LRRTM4: variants seen among roughly 807,000 people sequenced by gnomAD.
LRRTM4 encodes the protein leucine-rich repeat transmembrane neuronal protein 4.
Under a neutral mutation model 47.6 loss-of-function variants are expected in LRRTM4, and 25 were observed. The observed-to-expected ratio is 0.53, with a 90% CI of 0.38 to 0.73. The LOEUF is 0.73. LRRTM4 is among the 30% of genes least tolerant of loss of function. The probability of loss-of-function intolerance (pLI) is 0.00; values close to 1 mark genes in which losing one functional copy is unlikely to be tolerated. For missense variants in LRRTM4, 638 were observed against 713.4 expected (o/e 0.89, Z 1.20); for synonymous variants, 311 against 269.5 (o/e 1.15, Z -1.51).
intron 3 of LRRTM4, among the ~76,000 whole-genome samples, chr2:76,771,366 C>T (rs1189886895): frequency 6.6e-6 from 1 of 152,050 alleles, no homozygotes; most frequent in Non-Finnish European, 1.5e-5. Flanking sequence ...AAAACAATGG[C>T]TGACTCAGAA....
chr2:77,018,424 A>G (rs941110704), intron 3 of LRRTM4, among the ~76,000 whole-genome samples: 3 of 152,036 alleles, frequency 2.0e-5, no homozygotes, highest in Non-Finnish European at 4.4e-5. Context: ...GGAAGAAACC[A>G]TGTAGCTGCC....
chr2:77,063,607 G>A (rs1295156815), intron 3 of LRRTM4, among the ~76,000 whole-genome samples: 1 of 151,988 alleles, frequency 6.6e-6, no homozygotes, highest in Non-Finnish European at 1.5e-5. Context: ...ATATGTTATT[G>A]CACATAAGAG....
intron 3 of LRRTM4, among the ~76,000 whole-genome samples, chr2:77,067,305 T>C (rs1486256069): frequency 6.6e-6 from 1 of 152,066 alleles, no homozygotes; most frequent in Non-Finnish European, 1.5e-5. Context: ...AAAGATAAAT[T>C]ACAGGTGAGA....
intron 3 of LRRTM4, among the ~76,000 whole-genome samples, chr2:77,104,997 A>G (rs1671058708): frequency 6.6e-6 from 1 of 152,172 alleles, no homozygotes; most frequent in Non-Finnish European, 1.5e-5. Flanking sequence ...ACTCTGACCT[A>G]CCCTACCCCA....
intron 3 of LRRTM4, among the ~76,000 whole-genome samples, chr2:77,340,413 C>A (rs1671331731): frequency 6.6e-6 from 1 of 151,944 alleles, no homozygotes; most frequent in African/African-American, 2.4e-5. Context: ...GATTACATGA[C>A]TTAATACATT....
At chr2:77,095,759 C>A (rs556157550) in intron 3 of LRRTM4, among the ~76,000 whole-genome samples, 9 of 152,170 alleles carry the variant, frequency 5.9e-5, no homozygotes, top group East Asian at 1.9e-4. Flanking sequence ...CAGATCCACC[C>A]GCCTTGGCCT....
intron 3 of LRRTM4, among the ~76,000 whole-genome samples, chr2:77,298,298 A>T (rs1466465238): frequency 6.6e-6 from 1 of 152,150 alleles, no homozygotes; most frequent in Admixed American, 6.5e-5. Context: ...GTGCAGTGGC[A>T]CGATCTCGGC....
chr2:77,301,572 A>C (rs1677134458), intron 3 of LRRTM4, among the ~76,000 whole-genome samples: 1 of 152,196 alleles, frequency 6.6e-6, no homozygotes, highest in Non-Finnish European at 1.5e-5. Context: ...TTGATAAAAA[A>C]TAAGAAAGCT....
At chr2:77,433,123 T>C (rs956676391) in intron 3 of LRRTM4, among the ~76,000 whole-genome samples, 9 of 152,150 alleles carry the variant, frequency 5.9e-5, no homozygotes, top group African/African-American at 2.2e-4. Flanking sequence ...TTTTAAGAAA[T>C]AGTACATGTG....
intron 3 of LRRTM4, among the ~76,000 whole-genome samples, chr2:77,494,124 ATAGAG>A (rs1042201494): frequency 1.1e-4 from 16 of 152,168 alleles, no homozygotes; most frequent in African/African-American, 3.9e-4. Context: ...ACTGGGAGAA[ATAGAG>A]TATTTTCTTA....
At chr2:77,029,826 T>A (rs1350199684) in intron 3 of LRRTM4, among the ~76,000 whole-genome samples, 1 of 152,096 alleles carries the variant, frequency 6.6e-6, no homozygotes, top group East Asian at 1.9e-4. Context: ...CCCTGACACA[T>A]CAGAAAAGGA....
intron 3 of LRRTM4, among the ~76,000 whole-genome samples, chr2:76,929,142 G>A (rs770398785): frequency 7.9e-5 from 12 of 152,136 alleles, no homozygotes; most frequent in Non-Finnish European, 1.8e-4. Flanking sequence ...CCTCTCAGGA[G>A]GAGCTCTGGA....
chr2:77,362,124 A>AGAGAGAAAGAAAGAAG, intron 3 of LRRTM4, among the ~76,000 whole-genome samples: 1 of 117,316 alleles, frequency 8.5e-6, no homozygotes, highest in African/African-American at 2.9e-5. Context: ...AGAGAAAGAA[A>AGAGAGAAAGAAAGAAG]GAAAGAAAGA....
At chr2:76,846,921 G>T (rs560343257) in intron 3 of LRRTM4, among the ~76,000 whole-genome samples, 1 of 152,254 alleles carries the variant, frequency 6.6e-6, no homozygotes, top group Non-Finnish European at 1.5e-5. Context: ...AAATACAAAT[G>T]AATAGTTTGT....
intron 3 of LRRTM4, among the ~76,000 whole-genome samples, chr2:77,347,993 GA>G (rs1190280643): frequency 6.7e-6 from 1 of 150,010 alleles, no homozygotes; most frequent in Non-Finnish European, 1.5e-5. Flanking sequence ...GCTCAAACTT[GA>G]AAAAAACCAA....
chr2:76,854,419 A>G (rs973210553), intron 3 of LRRTM4, among the ~76,000 whole-genome samples: 4 of 152,136 alleles, frequency 2.6e-5, no homozygotes, highest in Non-Finnish European at 4.4e-5. Flanking sequence ...TCATCTTTCA[A>G]TCAGAAGTAA....
At chr2:77,128,498 C>A (rs185285695) in intron 3 of LRRTM4, among the ~76,000 whole-genome samples, 2 of 152,284 alleles carry the variant, frequency 1.3e-5, no homozygotes, top group East Asian at 3.9e-4. Context: ...GACAGTCAGA[C>A]TCTGACACAA....
chr2:77,042,959 G>A (rs1679087317), intron 3 of LRRTM4, among the ~76,000 whole-genome samples: 1 of 151,636 alleles, frequency 6.6e-6, no homozygotes, highest in African/African-American at 2.4e-5. Context: ...TGAAGAGTTG[G>A]GGGTGGGCAG....
intron 3 of LRRTM4, among the ~76,000 whole-genome samples, chr2:76,954,245 T>G (rs1474747859): frequency 6.6e-6 from 1 of 151,860 alleles, no homozygotes; most frequent in Non-Finnish European, 1.5e-5. Context: ...GGGAAATAGA[T>G]GTATATAAAT....
Sources: allele counts gnomAD v4.1 joint callset (sites outside exome capture counted in the v4.1 genomes callset), GRCh38; gene constraint gnomAD v4.1.1; transcripts MANE v1.5; gene names NCBI Gene and HGNC (gene_info 2026-07-23, HGNC 2026-07-21).